The following TES variants were observed in gnomAD, a reference collection of about 807,000 sequenced individuals.
TES encodes the protein testin.
Under a neutral mutation model 48.2 loss-of-function variants are expected in TES, and 41 were observed. That is an observed-to-expected ratio of 0.85 (90% CI 0.66 to 1.10). TES has a LOEUF of 1.10. Ranked by LOEUF, TES falls within the 50% of genes least tolerant of loss-of-function variation. The probability of loss-of-function intolerance (pLI) is 0.00; values close to 1 mark genes in which losing one functional copy is unlikely to be tolerated. For missense variants in TES, 463 were observed against 515.1 expected (o/e 0.90, Z 0.98); for synonymous variants, 162 against 174.9 (o/e 0.93, Z 0.58).
At chr7:116,226,936 A>G (rs1228076701) in intron 1 of TES, among the ~76,000 whole-genome samples, 3 of 152,184 alleles carry the variant, frequency 2.0e-5, no homozygotes, top group Non-Finnish European at 4.4e-5. Context: ...TAGCAAAGAA[A>G]GAGAAATGTA....
At chr7:116,251,241 T>G (rs1297624028) in intron 4 of TES, among the ~76,000 whole-genome samples, 1 of 152,186 alleles carries the variant, frequency 6.6e-6, no homozygotes, top group Non-Finnish European at 1.5e-5. Context: ...GTGAATGAAG[T>G]AGATTTGAAT....
intron 6 of TES, chr7:116,255,163 T>C (rs1029649176): frequency 6.6e-6 from 1 of 152,078 alleles, no homozygotes; most frequent in Non-Finnish European, 1.5e-5. Context: ...CCCCCAGAAT[T>C]CACATCCGTC....
At chr7:116,236,532 A>T (rs1463469866) in intron 2 of TES, among the ~76,000 whole-genome samples, 2 of 152,102 alleles carry the variant, frequency 1.3e-5, no homozygotes, top group Admixed American at 6.6e-5. Flanking sequence ...TCCAAAATTT[A>T]AAAAAAATTT....
chr7:116,217,366 A>G (rs961163463), intron 1 of TES, among the ~76,000 whole-genome samples: 23 of 152,168 alleles, frequency 1.5e-4, no homozygotes, highest in Non-Finnish European at 2.6e-4. Flanking sequence ...ACTTACACCT[A>G]TAATATACAC....
chr7:116,248,898 G>A (rs2116623743), intron 2 of TES, 122 bp from the exon 3 acceptor site: 1 of 972,706 alleles, frequency 1.0e-6, no homozygotes, highest in Non-Finnish European at 1.4e-6. Context: ...CCTAAAAAAG[G>A]ACTTGCCTTT....
At chr7:116,221,101 G>A (rs994994626) in intron 1 of TES, among the ~76,000 whole-genome samples, 14 of 151,170 alleles carry the variant, frequency 9.3e-5, no homozygotes, top group African/African-American at 3.2e-4. Context: ...GATAACTGGG[G>A]GATATATTAA....
intron 1 of TES, among the ~76,000 whole-genome samples, chr7:116,228,998 C>CTATATATATATATATATATATATATA (rs58514364): frequency 2.9e-4 from 32 of 110,122 alleles, no homozygotes; most frequent in Admixed American, 3.7e-4. Context: ...GTATCTATAA[C>CTATATATATATATATATATATATATA]TATATATATA....
intron 1 of TES, among the ~76,000 whole-genome samples, chr7:116,212,510 G>A (rs1277888414): frequency 2.6e-5 from 4 of 152,034 alleles, no homozygotes; most frequent in Non-Finnish European, 4.4e-5. Context: ...GCATGGGGGA[G>A]GTACATGGGA....
chr7:116,222,318 T>G (rs1274719155), intron 1 of TES, among the ~76,000 whole-genome samples: 1 of 152,164 alleles, frequency 6.6e-6, no homozygotes, highest in Admixed American at 6.6e-5. Flanking sequence ...TTGCTGTCTC[T>G]GTTGGGCATT....
At position 116,221,613 on chromosome 7, in the gene TES, A is replaced by G. The variant is rs148095894; in HGVS notation, c.27+10879A>G. On this transcript the variant is annotated intron_variant, in intron 1 of 6. Coordinates refer to ENST00000358204, the MANE Select transcript of TES (RefSeq NM_015641.4). ...GATTTAAGTCTTCACAGCTTCCCAC[A>G]GTGAAAGCTGTGGAAGGAGTCTTAC... Among the ~76,000 whole-genome samples, 213 of 152,286 alleles carry G rather than the reference A, an allele frequency of 1.4e-3. 1 individual carries two copies. The highest frequency in any genetic ancestry group is 4.5e-3 in the African/African-American group (189 of 41,570).
At chr7:116,247,246 G>C (rs1268222525) in intron 2 of TES, among the ~76,000 whole-genome samples, 2 of 151,938 alleles carry the variant, frequency 1.3e-5, no homozygotes, top group Non-Finnish European at 2.9e-5. Flanking sequence ...CCTAAATCTA[G>C]GATTATAATC....
intron 1 of TES, among the ~76,000 whole-genome samples, chr7:116,230,236 T>G (rs1444051950): frequency 2.0e-5 from 3 of 152,204 alleles, no homozygotes; most frequent in Admixed American, 6.5e-5. Flanking sequence ...TCTCTTTCAC[T>G]TACTTGCTCT....
chr7:116,231,213 A>G (rs1799695860), intron 1 of TES, among the ~76,000 whole-genome samples: 2 of 152,234 alleles, frequency 1.3e-5, no homozygotes, highest in African/African-American at 2.4e-5. Flanking sequence ...GATCTCTTAC[A>G]TGAGGGAGAT....
intron 2 of TES, among the ~76,000 whole-genome samples, chr7:116,246,594 C>G (rs769969035): frequency 1.3e-5 from 2 of 152,234 alleles, no homozygotes; most frequent in Admixed American, 6.5e-5. Context: ...ATACCAACCT[C>G]CCCTGGTTAT....
At chr7:116,224,971 C>G (rs1366978765) in intron 1 of TES, among the ~76,000 whole-genome samples, 1 of 152,064 alleles carries the variant, frequency 6.6e-6, no homozygotes, top group Non-Finnish European at 1.5e-5. Flanking sequence ...TAGTCTTAGG[C>G]AAGTTAATTT....
chr7:116,223,573 G>T (rs571359356), intron 1 of TES, among the ~76,000 whole-genome samples: 2 of 152,226 alleles, frequency 1.3e-5, no homozygotes, highest in African/African-American at 4.8e-5. Flanking sequence ...CCAAGTGTGT[G>T]TAACTATATA....
At position 116,253,138 on chromosome 7, in the gene TES, T is replaced by C. The variant is rs1352321336; in HGVS notation, c.1077+662T>C. The stretch of plus-strand genomic sequence containing the variant: ...AGTGTATAATCCAGGAGTATCCAAA[T>C]AGACATTTACTTCTTTATATGCAGC... On this transcript the variant is annotated intron_variant, in intron 6 of 6. Coordinates refer to ENST00000358204, the MANE Select transcript of TES (RefSeq NM_015641.4). Among the ~76,000 whole-genome samples, 7 of 152,224 alleles carry C rather than the reference T, an allele frequency of 4.6e-5. No individual in the cohort carries two copies. The South Asian group carries it at 8.3e-4, about 18-fold the overall frequency.
intron 6 of TES, among the ~76,000 whole-genome samples, chr7:116,256,573 TAAG>T (rs993742683): frequency 1.1e-4 from 16 of 152,212 alleles, no homozygotes; most frequent in African/African-American, 3.6e-4. Flanking sequence ...CATGTTTGAA[TAAG>T]AAGAAAATTT....
chr7:116,247,648 A>T (rs1351880763), intron 2 of TES, among the ~76,000 whole-genome samples: 1 of 152,242 alleles, frequency 6.6e-6, no homozygotes, highest in East Asian at 1.9e-4. Context: ...CATATCAGAA[A>T]TGCAGATGCA....
Sources: gnomAD v4.1 joint callset for allele counts (sites outside exome capture counted in the v4.1 genomes callset) on GRCh38, gnomAD v4.1.1 for gene constraint, MANE v1.5 for transcripts, NCBI Gene and HGNC (gene_info 2026-07-23, HGNC 2026-07-21) for gene names.